The following COL22A1 variants were observed in gnomAD, a reference collection of about 807,000 sequenced individuals.
The protein encoded by COL22A1 is collagen type XXII alpha 1 chain.
In COL22A1, 221 loss-of-function variants were observed where a neutral mutation model predicts 248.9. The ratio of observed to expected loss-of-function variants is 0.89; its 90% CI spans 0.80 to 0.99. The LOEUF (loss-of-function observed/expected upper bound fraction) is 0.99. Ranked by LOEUF, COL22A1 falls within the 50% of genes least tolerant of loss-of-function variation. The pLI is 0.00. For missense variants in COL22A1, 2,240 were observed against 2,179.0 expected (o/e 1.03, Z -0.56); for synonymous variants, 891 against 793.4 (o/e 1.12, Z -2.07).
At chr8:138,798,530 G>C (rs575052073) in intron 11 of COL22A1, among the ~76,000 whole-genome samples, 94 of 152,148 alleles carry the variant, frequency 6.2e-4, no homozygotes, top group African/African-American at 2.2e-3. Flanking sequence ...CTTCCAGTTA[G>C]ACATAGAAAC....
At chr8:138,719,259 AAC>A (rs1374047214) in intron 27 of COL22A1, among the ~76,000 whole-genome samples, 6 of 152,210 alleles carry the variant, frequency 3.9e-5, no homozygotes, top group Non-Finnish European at 7.3e-5. Flanking sequence ...ATGAAAAAAA[AAC>A]ACACAGCAAA....
chr8:138,821,587 G>T (rs745454964), intron 6 of COL22A1, among the ~76,000 whole-genome samples, 176 bp from the exon 7 acceptor site: 1 of 152,180 alleles, frequency 6.6e-6, no homozygotes, highest in Non-Finnish European at 1.5e-5. Context: ...ACCTCTGAGA[G>T]CCTCGGGTTC....
At chr8:138,752,983 T>A (rs1211382474) in intron 21 of COL22A1, among the ~76,000 whole-genome samples, 1 of 152,220 alleles carries the variant, frequency 6.6e-6, no homozygotes, top group African/African-American at 2.4e-5. Flanking sequence ...TCATTTAACC[T>A]CATAGTATGT....
rs1041778112 is a variant in COL22A1 at position 138,771,539 on chromosome 8, A to G, written c.1803+4427T>C. 1.5e-4 allele frequency among the ~76,000 whole-genome samples: 23 copies of G among 152,354 alleles called. 1 individual carries two copies. Among genetic ancestry groups the G allele is most frequent in the Non-Finnish European group, 2.9e-5 (2 of 68,038 alleles). On this transcript the variant is annotated intron_variant, in intron 16 of 64. Coordinates refer to ENST00000303045, the MANE Select transcript of COL22A1 (RefSeq NM_152888.3). ...AAACCGCAGTGTTCCTTGACTGAAC[A>G]AAAGTCTTAAAGCAAGACTCCAAAA... is the stretch of plus-strand genomic sequence containing the variant.
chr8:138,728,376 G>C (rs990778362), intron 23 of COL22A1, among the ~76,000 whole-genome samples: 2 of 152,060 alleles, frequency 1.3e-5, no homozygotes, highest in East Asian at 3.9e-4. Flanking sequence ...AGCCCACAGA[G>C]CATATCCGAA....
chr8:138,666,399 G>A (rs1374014589), intron 41 of COL22A1, among the ~76,000 whole-genome samples: 4 of 152,130 alleles, frequency 2.6e-5, no homozygotes, highest in African/African-American at 9.7e-5. Flanking sequence ...CCCAATCAGA[G>A]GCCTACAAAT....
At chr8:138,751,297 C>T (rs1832579759) in intron 22 of COL22A1, among the ~76,000 whole-genome samples, 161 bp downstream of exon 22, 1 of 152,180 alleles carries the variant, frequency 6.6e-6, no homozygotes, top group African/African-American at 2.4e-5. Flanking sequence ...ATAGTAGAAC[C>T]TCAACCATGT....
At chr8:138,727,657 G>C (rs1044246364) in intron 23 of COL22A1, among the ~76,000 whole-genome samples, 3 of 152,122 alleles carry the variant, frequency 2.0e-5, no homozygotes, top group African/African-American at 7.2e-5. Flanking sequence ...AACAGGCATA[G>C]ACCAGGACCA....
intron 16 of COL22A1, among the ~76,000 whole-genome samples, chr8:138,771,837 G>GC (rs1423721469): frequency 6.6e-6 from 1 of 152,146 alleles, no homozygotes; most frequent in East Asian, 1.9e-4. Flanking sequence ...GGCAGACCTG[G>GC]CCCCCCGGGG....
At chr8:138,741,768 C>A (rs774442929) in intron 22 of COL22A1, among the ~76,000 whole-genome samples, 23 of 152,114 alleles carry the variant, frequency 1.5e-4, no homozygotes, top group Non-Finnish European at 2.9e-4. Flanking sequence ...TTGGATGACG[C>A]CCACAAAGTA....
At chr8:138,745,311 G>A (rs1832019746) in intron 22 of COL22A1, among the ~76,000 whole-genome samples, 1 of 151,914 alleles carries the variant, frequency 6.6e-6, no homozygotes, top group Non-Finnish European at 1.5e-5. Flanking sequence ...TCTCCAAAAT[G>A]AGCCATCCCC....
intron 22 of COL22A1, among the ~76,000 whole-genome samples, chr8:138,744,021 G>T (rs1275181928): frequency 2.0e-5 from 3 of 152,136 alleles, no homozygotes; most frequent in Non-Finnish European, 4.4e-5. Context: ...TGTCAAACAT[G>T]ATTATTTTCT....
intron 11 of COL22A1, among the ~76,000 whole-genome samples, chr8:138,801,371 A>G (rs1816984138): frequency 6.6e-6 from 1 of 152,198 alleles, no homozygotes; most frequent in Admixed American, 6.5e-5. Flanking sequence ...GCACGTGCCA[A>G]GAGTAGATGG....
chr8:138,790,189 C>G (rs1337195387), intron 12 of COL22A1, among the ~76,000 whole-genome samples: 2 of 152,130 alleles, frequency 1.3e-5, no homozygotes, highest in Admixed American at 1.3e-4. Context: ...GATTTGGTGT[C>G]AGGTGAAGGC....
chr8:138,726,495 C>T (rs1239259653), intron 23 of COL22A1, among the ~76,000 whole-genome samples: 1 of 59,006 alleles, frequency 1.7e-5, no homozygotes, highest in Non-Finnish European at 3.4e-5. Flanking sequence ...TATCCTGTAT[C>T]TACAAAAAAA....
At chr8:138,698,331 C>G (rs1425058996) in intron 32 of COL22A1, among the ~76,000 whole-genome samples, 4 of 152,208 alleles carry the variant, frequency 2.6e-5, no homozygotes, top group African/African-American at 4.8e-5. Flanking sequence ...ACACTAGCCC[C>G]TAATTCCTAT....
chr8:138,759,103 G>A lies in COL22A1; in HGVS notation c.1902+1140C>T, dbSNP rs189219403. 3.8e-3 allele frequency among the ~76,000 whole-genome samples: 576 copies of A among 152,322 alleles called. 3 individuals carry two copies. Among genetic ancestry groups the A allele is most frequent in the African/African-American group, 0.013 (547 of 41,570 alleles). On this transcript the variant is annotated intron_variant, in intron 18 of 64. Transcript: ENST00000303045. Reference sequence around the variant, plus strand: ...TCTCAACTCTAAAAATACTTAGAAGGAGAGAGAATAATGAACTCGGCTAGC... The same window carrying A: ...TCTCAACTCTAAAAATACTTAGAAGAAGAGAGAATAATGAACTCGGCTAGC...
At chr8:138,703,523 T>C (rs1283321398) in intron 30 of COL22A1, among the ~76,000 whole-genome samples, 176 bp from the exon 31 acceptor site, 1 of 152,218 alleles carries the variant, frequency 6.6e-6, no homozygotes, top group Non-Finnish European at 1.5e-5. Flanking sequence ...TAATTACATA[T>C]GTACATTCCA....
chr8:138,709,451 C>T lies in COL22A1; in HGVS notation c.2518-6104G>A, dbSNP rs189880924. Among the ~76,000 whole-genome samples, 1,489 of 152,066 alleles carry T rather than the reference C, an allele frequency of 9.8e-3. 23 individuals carry two copies. The highest frequency in any genetic ancestry group is 0.031 in the African/African-American group (1,278 of 41,462). On this transcript the variant is annotated intron_variant, in intron 30 of 64. Transcript: ENST00000303045. ...GGCACATATACACCATGGAATACTA[C>T]GCAGCCATAAAAAGGATGAGTTCAT...
Sources: gnomAD v4.1 joint callset for allele counts (sites outside exome capture counted in the v4.1 genomes callset) on GRCh38, gnomAD v4.1.1 for gene constraint, MANE v1.5 for transcripts, NCBI Gene and HGNC (gene_info 2026-07-23, HGNC 2026-07-21) for gene names.